The following MAN1A1 variants were observed in gnomAD, a reference collection of about 807,000 sequenced individuals.
The protein encoded by MAN1A1 is mannosyl-oligosaccharide 1,2-alpha-mannosidase IA.
Under a neutral mutation model 70.8 loss-of-function variants are expected in MAN1A1, and 29 were observed. The observed-to-expected ratio is 0.41, with a 90% CI of 0.31 to 0.56. The LOEUF (loss-of-function observed/expected upper bound fraction) is 0.56. Ranked by LOEUF, MAN1A1 falls within the 20% of genes least tolerant of loss-of-function variation. The probability of loss-of-function intolerance (pLI) is 0.29; values close to 1 mark genes in which losing one functional copy is unlikely to be tolerated. For missense variants in MAN1A1, 747 were observed against 841.3 expected (o/e 0.89, Z 1.39); for synonymous variants, 349 against 330.1 (o/e 1.06, Z -0.62).
At position 119,189,806 on chromosome 6, in the gene MAN1A1, C is replaced by T. The variant is rs1202292035; in HGVS notation, c.1404G>A (p.Glu468=). Residue 468 remains glutamate, a synonymous_variant, in exon 10 of 13, where the codon GAG becomes GAA. Coordinates refer to ENST00000368468, the MANE Select transcript of MAN1A1 (RefSeq NM_005907.4). Reference sequence around the variant, plus strand: ...AGCAGGTCAGGTGGCCCATCTTGTGCTCCAGGAGGCCCCCTTTCCACTCTG... The same window carrying T: ...AGCAGGTCAGGTGGCCCATCTTGTGTTCCAGGAGGCCCCCTTTCCACTCTG... The part of the protein sequence containing the change: ...YIAEWKGGLL[E]HKMGHLTCFA... 2 of 1,614,046 alleles carry T rather than the reference C, an allele frequency of 1.2e-6. No individual in the cohort carries two copies. Among genetic ancestry groups the T allele is most frequent in the Admixed American group, 3.3e-5 (2 of 60,002 alleles).
chr6:119,285,213 A>G (rs1776335058), intron 5 of MAN1A1, among the ~76,000 whole-genome samples: 1 of 151,590 alleles, frequency 6.6e-6, no homozygotes, highest in Admixed American at 6.6e-5. Flanking sequence ...CTGAGGCTCA[A>G]GTGATCCCCC....
intron 11 of MAN1A1, among the ~76,000 whole-genome samples, chr6:119,182,862 T>G (rs1773187698): frequency 6.6e-6 from 1 of 152,144 alleles, no homozygotes; most frequent in Non-Finnish European, 1.5e-5. Flanking sequence ...TGTCCCTCTT[T>G]TTTTTTTACA....
At chr6:119,205,206 CA>C (rs1411902287) in intron 6 of MAN1A1, among the ~76,000 whole-genome samples, 1 of 152,060 alleles carries the variant, frequency 6.6e-6, no homozygotes. Context: ...AAAATCTGAC[CA>C]AAACACTCCC....
chr6:119,274,684 C>G (rs1284460933), intron 5 of MAN1A1, among the ~76,000 whole-genome samples: 1 of 152,096 alleles, frequency 6.6e-6, no homozygotes, highest in African/African-American at 2.4e-5. Flanking sequence ...CAATGTCACA[C>G]CAAAATATAT....
chr6:119,188,354 AT>A (rs1309479976), intron 11 of MAN1A1, 50 bp downstream of exon 11: 1 of 1,515,572 alleles, frequency 6.6e-7, no homozygotes, highest in Non-Finnish European at 8.9e-7. Flanking sequence ...ATCACTGAAC[AT>A]TTTTTACTAT....
chr6:119,286,460 G>A (rs577989135), intron 5 of MAN1A1, among the ~76,000 whole-genome samples: 1 of 152,078 alleles, frequency 6.6e-6, no homozygotes, highest in African/African-American at 2.4e-5. Context: ...AAATTTGGCA[G>A]TATTATATTT....
chr6:119,246,095 T>C (rs1221795063), intron 6 of MAN1A1, among the ~76,000 whole-genome samples: 2 of 152,192 alleles, frequency 1.3e-5, no homozygotes, highest in African/African-American at 4.8e-5. Context: ...TTCAAAATAG[T>C]ATATTTTGAA....
intron 5 of MAN1A1, among the ~76,000 whole-genome samples, chr6:119,252,646 G>T (rs1473980982): frequency 6.6e-6 from 1 of 152,098 alleles, no homozygotes; most frequent in Non-Finnish European, 1.5e-5. Context: ...ACAAAAATTA[G>T]CTGGGCGTGG....
intron 6 of MAN1A1, among the ~76,000 whole-genome samples, chr6:119,229,209 T>C (rs1198493645): frequency 1.5e-5 from 1 of 67,302 alleles, no homozygotes; most frequent in Non-Finnish European, 3.3e-5. Context: ...AACTGTGTTC[T>C]GAGACAAAAA....
intron 9 of MAN1A1, 82 bp from the exon 10 acceptor site, chr6:119,189,965 A>G (rs78641263): frequency 1.9e-6 from 2 of 1,032,900 alleles, no homozygotes; most frequent in African/African-American, 1.6e-5. Context: ...TAAAAAAAAA[A>G]GAATAGAATA....
intron 7 of MAN1A1, among the ~76,000 whole-genome samples, chr6:119,204,177 T>C (rs1236536343): frequency 6.6e-6 from 1 of 152,150 alleles, no homozygotes; most frequent in African/African-American, 2.4e-5. Flanking sequence ...TTTGGCACTG[T>C]TGTGCTCACT....
intron 3 of MAN1A1, among the ~76,000 whole-genome samples, chr6:119,302,498 T>TA (rs1772418535): frequency 6.6e-6 from 1 of 151,974 alleles, no homozygotes; most frequent in Non-Finnish European, 1.5e-5. Context: ...TCTCCTACCT[T>TA]AGCCTCCTGA....
intron 11 of MAN1A1, among the ~76,000 whole-genome samples, chr6:119,183,847 C>T (rs1773216968): frequency 6.6e-6 from 1 of 152,046 alleles, no homozygotes; most frequent in Admixed American, 6.6e-5. Flanking sequence ...TTATCAGTGG[C>T]CCCAGAGGTT....
intron 2 of MAN1A1, among the ~76,000 whole-genome samples, chr6:119,330,436 G>A (rs942053122): frequency 1.3e-5 from 2 of 151,932 alleles, no homozygotes; most frequent in African/African-American, 2.4e-5. Context: ...TATAAATTCC[G>A]GTTTTAAGTA....
At chr6:119,273,379 C>A (rs1485464874) in intron 5 of MAN1A1, among the ~76,000 whole-genome samples, 2 of 152,120 alleles carry the variant, frequency 1.3e-5, no homozygotes, top group Non-Finnish European at 2.9e-5. Context: ...TCATATCATA[C>A]ATGAAAGTAT....
At chr6:119,183,317 C>T (rs903013454) in intron 11 of MAN1A1, among the ~76,000 whole-genome samples, 2 of 152,094 alleles carry the variant, frequency 1.3e-5, no homozygotes, top group African/African-American at 2.4e-5. Context: ...ACAGATGCTT[C>T]GATTAAATTC....
At chr6:119,310,448 A>T (rs1312105037) in intron 2 of MAN1A1, among the ~76,000 whole-genome samples, 1 of 152,116 alleles carries the variant, frequency 6.6e-6, no homozygotes, top group Admixed American at 6.6e-5. Flanking sequence ...AAATTTCCGT[A>T]GTTTGTAGGA....
intron 6 of MAN1A1, among the ~76,000 whole-genome samples, chr6:119,235,136 T>C (rs1324082782): frequency 6.6e-6 from 1 of 152,160 alleles, no homozygotes; most frequent in Non-Finnish European, 1.5e-5. Context: ...GATACTACAA[T>C]ATTGGAATCA....
intron 2 of MAN1A1, among the ~76,000 whole-genome samples, chr6:119,343,548 T>G (rs1370643638): frequency 6.6e-6 from 1 of 151,946 alleles, no homozygotes; most frequent in East Asian, 1.9e-4. Context: ...TTTAACAGAT[T>G]GAGAGGTTGG....
Sources: gnomAD v4.1 joint callset for allele counts (sites outside exome capture counted in the v4.1 genomes callset) on GRCh38, gnomAD v4.1.1 for gene constraint, MANE v1.5 for transcripts, NCBI Gene and HGNC (gene_info 2026-07-23, HGNC 2026-07-21) for gene names.